Variants in RTL4 observed in about 807,000 individuals in gnomAD.
RTL4 encodes retrotransposon Gag-like protein 4.
In RTL4, 4 loss-of-function variants were observed where a neutral mutation model predicts 5.3. That is an observed-to-expected ratio of 0.75 (90% CI 0.37 to 1.72). The LOEUF is 1.72. Ranked by LOEUF, RTL4 falls within the 40% of genes most tolerant of loss-of-function variation. RTL4 has a pLI of 0.04. For synonymous variants in RTL4, 98 were observed against 87.3 expected (o/e 1.12, Z -0.68); for missense variants, 260 against 227.1 (o/e 1.14, Z -0.93).
At chrX:112,413,362 C>G in the RTL4 span, among the ~76,000 whole-genome samples, 16,338 of 110,646 alleles carry the variant, frequency 0.15, 1,063 homozygotes, top group East Asian at 0.26. Context: ...ATATATACCC[C>G]CAAAAAGGAA....
At chrX:112,161,844 C>CTTTCTTT in the RTL4 span, among the ~76,000 whole-genome samples, 525 of 39,985 alleles carry the variant, frequency 0.013, 13 homozygotes, top group Middle Eastern at 0.037. Flanking sequence ...TTCCTTCCTT[C>CTTTCTTT]CTTTCTTTCT....
the RTL4 span, among the ~76,000 whole-genome samples, chrX:112,121,456 C>T: frequency 2.7e-5 from 3 of 111,590 alleles, no homozygotes; most frequent in African/African-American, 9.7e-5. Flanking sequence ...ACTATGATAA[C>T]ATTTAAGGAA....
At chrX:112,094,711 T>G in the RTL4 span, among the ~76,000 whole-genome samples, 1 of 111,570 alleles carries the variant, frequency 9.0e-6, no homozygotes, top group Admixed American at 9.5e-5. Flanking sequence ...AACATTTGAA[T>G]ATGGTGACCA....
chrX:112,219,681 C>T, the RTL4 span, among the ~76,000 whole-genome samples: 2 of 112,305 alleles, frequency 1.8e-5, no homozygotes, highest in East Asian at 5.6e-4. Context: ...AATTTCTCAT[C>T]CTAGTGAATA....
At chrX:112,166,979 T>A in the RTL4 span, among the ~76,000 whole-genome samples, 1 of 111,837 alleles carries the variant, frequency 8.9e-6, no homozygotes, top group Non-Finnish European at 1.9e-5. Flanking sequence ...TGGCAGGCAT[T>A]CCCTATTCTG....
chrX:112,394,386 T>C, the RTL4 span, among the ~76,000 whole-genome samples: 1 of 112,055 alleles, frequency 8.9e-6, no homozygotes, highest in Middle Eastern at 4.6e-3. Context: ...CTTTAATTGT[T>C]CTTTTTTGAT....
chrX:112,094,033 G>A, the RTL4 span, among the ~76,000 whole-genome samples: 1 of 111,888 alleles, frequency 8.9e-6, no homozygotes, highest in Non-Finnish European at 1.9e-5. Context: ...AGACTTATAT[G>A]ACTAGGAATT....
chrX:112,324,660 A>G, the RTL4 span, among the ~76,000 whole-genome samples: 1 of 110,807 alleles, frequency 9.0e-6, no homozygotes, highest in Admixed American at 9.7e-5. Flanking sequence ...TTTAATTTTC[A>G]TTTGTCTCAA....
chrX:112,305,908 C>A, the RTL4 span, among the ~76,000 whole-genome samples: 1 of 111,486 alleles, frequency 9.0e-6, no homozygotes, highest in Admixed American at 9.6e-5. Context: ...TTGCTTCAAT[C>A]AAACCGTTTG....
the RTL4 span, among the ~76,000 whole-genome samples, chrX:112,431,731 T>A: frequency 9.0e-5 from 10 of 110,938 alleles, no homozygotes; most frequent in African/African-American, 1.3e-4. Flanking sequence ...TCTTTTTTTT[T>A]ATTTTATTAT....
At chrX:112,227,775 C>G in the RTL4 span, among the ~76,000 whole-genome samples, 25 of 111,446 alleles carry the variant, frequency 2.2e-4, no homozygotes, top group African/African-American at 7.8e-4. Context: ...TGAATGGGGA[C>G]TGCTTGCGTA....
chrX:112,240,754 C>T, the RTL4 span, among the ~76,000 whole-genome samples: 1 of 110,988 alleles, frequency 9.0e-6, no homozygotes, highest in African/African-American at 3.3e-5. Flanking sequence ...TATACATGTG[C>T]CATGTTGGTT....
At chrX:112,270,985 A>G in the RTL4 span, among the ~76,000 whole-genome samples, 1 of 104,436 alleles carries the variant, frequency 9.6e-6, no homozygotes, top group African/African-American at 3.4e-5. Flanking sequence ...AAGCACAGTC[A>G]AGAATCAATG....
the RTL4 span, among the ~76,000 whole-genome samples, chrX:112,247,379 C>T: frequency 8.9e-6 from 1 of 111,871 alleles, no homozygotes; most frequent in Non-Finnish European, 1.9e-5. Context: ...TTAGACATTA[C>T]CCATGAATGG....
chrX:112,390,948 G>A, the RTL4 span, among the ~76,000 whole-genome samples: 1 of 111,422 alleles, frequency 9.0e-6, no homozygotes, highest in Non-Finnish European at 1.9e-5. Flanking sequence ...CCCTTTTAAG[G>A]GTGCCAATGA....
the RTL4 span, among the ~76,000 whole-genome samples, chrX:112,434,975 C>G: frequency 9.0e-6 from 1 of 110,869 alleles, no homozygotes; most frequent in African/African-American, 3.3e-5. Context: ...CAGGCACCTT[C>G]TTCATATGGC....
chrX:112,290,733 G>T, the RTL4 span, among the ~76,000 whole-genome samples: 1 of 111,720 alleles, frequency 9.0e-6, no homozygotes, highest in South Asian at 3.7e-4. Flanking sequence ...TTAGCACAGA[G>T]TTGTTTTAGC....
the RTL4 span, among the ~76,000 whole-genome samples, chrX:112,254,530 A>C: frequency 9.1e-6 from 1 of 110,458 alleles, no homozygotes; most frequent in South Asian, 3.9e-4. Context: ...AGTTTCACCA[A>C]GTTGGCCAGG....
chrX:112,216,507 ACCCTAG>A, the RTL4 span, among the ~76,000 whole-genome samples: 1 of 111,725 alleles, frequency 9.0e-6, no homozygotes. Context: ...TATTTTGCCC[ACCCTAG>A]CCTGTTACCT....
Sources: gnomAD v4.1 joint callset for allele counts (sites outside exome capture counted in the v4.1 genomes callset) on GRCh38, gnomAD v4.1.1 for gene constraint, MANE v1.5 for transcripts, NCBI Gene and HGNC (gene_info 2026-07-23, HGNC 2026-07-21) for gene names.